Variants in MROH9 observed in about 807,000 individuals in gnomAD.
MROH9 encodes maestro heat like repeat family member 9.
A neutral mutation model predicts 98.2 loss-of-function variants in MROH9; 92 were observed. The observed-to-expected ratio is 0.94, with a 90% CI of 0.79 to 1.11. The LOEUF is 1.11. Ranked by LOEUF, MROH9 falls within the 50% of genes most tolerant of loss-of-function variation. MROH9 has a pLI of 0.00. For synonymous variants in MROH9, 397 were observed against 368.9 expected (o/e 1.08, Z -0.87); for missense variants, 1,057 against 1,014.8 (o/e 1.04, Z -0.57).
At chr1:171,043,229 T>A (rs1466979982) in intron 20 of MROH9, among the ~76,000 whole-genome samples, 1 of 152,100 alleles carries the variant, frequency 6.6e-6, no homozygotes, top group Non-Finnish European at 1.5e-5. Flanking sequence ...TCCAGCACCA[T>A]TTATTGAAGA....
intron 8 of MROH9, among the ~76,000 whole-genome samples, chr1:170,976,952 C>CT (rs1364623222): frequency 2.0e-5 from 3 of 151,260 alleles, no homozygotes; most frequent in Admixed American, 6.6e-5. Flanking sequence ...TCTTTTTTTT[C>CT]TTTTTTTTCT....
chr1:170,951,940 G>A (rs1206218718), intron 3 of MROH9, among the ~76,000 whole-genome samples: 1 of 152,094 alleles, frequency 6.6e-6, no homozygotes, highest in Non-Finnish European at 1.5e-5. Context: ...GTGGGTGAAG[G>A]ATATGAACAG....
At chr1:170,964,592 C>G (rs571235625) in intron 6 of MROH9, among the ~76,000 whole-genome samples, 1 of 152,024 alleles carries the variant, frequency 6.6e-6, no homozygotes, top group Non-Finnish European at 1.5e-5. Context: ...GGATTAAGAA[C>G]AGCTAGAAGG....
intron 3 of MROH9, among the ~76,000 whole-genome samples, chr1:170,949,692 C>A (rs1323599869): frequency 2.6e-5 from 4 of 151,980 alleles, no homozygotes; most frequent in Non-Finnish European, 5.9e-5. Flanking sequence ...TGTAGCTGGA[C>A]CTTGAAAGTG....
intron 17 of MROH9, among the ~76,000 whole-genome samples, chr1:171,016,629 C>A (rs548514509): frequency 7.6e-4 from 116 of 152,192 alleles, no homozygotes; most frequent in Middle Eastern, 3.4e-3. Flanking sequence ...GGGTTCAAAT[C>A]CCTCTTCCAC....
At chr1:170,938,870 G>C (rs1649004250) in intron 1 of MROH9, among the ~76,000 whole-genome samples, 1 of 152,160 alleles carries the variant, frequency 6.6e-6, no homozygotes, top group South Asian at 2.1e-4. Flanking sequence ...TCTGCTACTG[G>C]CATATTGGCC....
At chr1:171,032,993 G>C (rs1483765176) in intron 20 of MROH9, among the ~76,000 whole-genome samples, 1 of 152,204 alleles carries the variant, frequency 6.6e-6, no homozygotes, top group Non-Finnish European at 1.5e-5. Flanking sequence ...AGTTCCTGCA[G>C]GGAAGCCCCA....
chr1:171,032,642 G>T (rs941059087), intron 20 of MROH9, among the ~76,000 whole-genome samples: 5 of 152,168 alleles, frequency 3.3e-5, no homozygotes, highest in African/African-American at 4.8e-5. Context: ...AAAGATGGGT[G>T]CCTGCTCCTT....
At chr1:170,986,505 T>C in intron 9 of MROH9, 56 bp from the exon 10 acceptor site, 3 of 1,546,658 alleles carry the variant, frequency 1.9e-6, no homozygotes, top group Non-Finnish European at 2.6e-6. Context: ...TGAGTTTAGC[T>C]GTCTTATGTT....
intron 11 of MROH9, among the ~76,000 whole-genome samples, chr1:170,990,460 TCCTTTAACTA>T (rs1651315731): frequency 1.3e-5 from 2 of 152,208 alleles, no homozygotes; most frequent in South Asian, 4.1e-4. Flanking sequence ...GAGTCCTGTG[TCCTTTAACTA>T]TTAGACTGAA....
rs1652327670 is a variant in MROH9 at position 171,016,334 on chromosome 1, CATGTGAGTTACACAGTTAGAT to C, written c.1908+6_1908+26del. On this transcript the variant is annotated splice_donor_variant and splice_donor_5th_base_variant and coding_sequence_variant and intron_variant, in exon 17 of 22. Coordinates refer to ENST00000367759, the MANE Select transcript of MROH9 (RefSeq NM_001163629.2). LOFTEE classifies it high-confidence loss of function. The stretch of plus-strand genomic sequence containing the variant: ...TTCCAGCTACTGTACTCTGATGGAT[CATGTGAGTTACACAGTTAGAT>C]ATGTGAGATCATTAGGTTTTGTGGT... The C allele has an allele frequency of 8.7e-6, 13 of 1,494,370 alleles. No homozygotes were observed. Among genetic ancestry groups the C allele is most frequent in the African/African-American group, 1.4e-5 (1 of 69,966 alleles). The allele number at this position is 1,494,370 out of a possible 1,614,324, so 92.6% of individuals were successfully genotyped here.
chr1:170,941,524 T>C (rs537310927), intron 1 of MROH9, among the ~76,000 whole-genome samples: 73 of 152,310 alleles, frequency 4.8e-4, no homozygotes, highest in Non-Finnish European at 9.6e-4. Flanking sequence ...AACTAGCCAA[T>C]ACCATAGGTT....
At chr1:171,006,186 T>TTTGTCAGGTATAGTATTCTTGG (rs1201809526) in intron 15 of MROH9, among the ~76,000 whole-genome samples, 7 of 152,106 alleles carry the variant, frequency 4.6e-5, no homozygotes, top group Non-Finnish European at 8.8e-5. Flanking sequence ...CAAGGACAGC[T>TTTGTCAGGTATAGTATTCTTGG]TTGTCAGGTA....
chr1:170,964,263 C>T (rs1008252282), intron 6 of MROH9, among the ~76,000 whole-genome samples: 1 of 152,052 alleles, frequency 6.6e-6, no homozygotes, highest in Admixed American at 6.6e-5. Context: ...AAGCCTGTTA[C>T]TTAACCACTT....
At chr1:170,982,231 G>C (rs942205952) in intron 8 of MROH9, among the ~76,000 whole-genome samples, 1 of 151,496 alleles carries the variant, frequency 6.6e-6, no homozygotes, top group East Asian at 1.9e-4. Context: ...AGAGATTTGG[G>C]TATGTACATA....
At chr1:170,993,349 A>G (rs1191960708) in intron 12 of MROH9, among the ~76,000 whole-genome samples, 1 of 152,188 alleles carries the variant, frequency 6.6e-6, no homozygotes, top group Non-Finnish European at 1.5e-5. Flanking sequence ...TTGCATTGAC[A>G]TTCCTTCCAG....
chr1:171,057,740 G>T (rs1653890605), intron 20 of MROH9, among the ~76,000 whole-genome samples: 1 of 152,180 alleles, frequency 6.6e-6, no homozygotes, highest in African/African-American at 2.4e-5. Flanking sequence ...CACCTACAAA[G>T]GGAAGCCAAT....
intron 15 of MROH9, among the ~76,000 whole-genome samples, chr1:171,001,297 G>A (rs995274708): frequency 6.6e-6 from 1 of 151,854 alleles, no homozygotes; most frequent in Non-Finnish European, 1.5e-5. Context: ...TTTGAGTTTA[G>A]CTTGTTCTTG....
At chr1:170,973,591 T>C (rs773790307) in intron 8 of MROH9, among the ~76,000 whole-genome samples, 5 of 152,156 alleles carry the variant, frequency 3.3e-5, no homozygotes, top group Non-Finnish European at 5.9e-5. Flanking sequence ...AAAAAAATTA[T>C]TAGGTTGGGC....
Sources: allele counts gnomAD v4.1 joint callset (sites outside exome capture counted in the v4.1 genomes callset), GRCh38; gene constraint gnomAD v4.1.1; transcripts MANE v1.5; gene names NCBI Gene and HGNC (gene_info 2026-07-23, HGNC 2026-07-21).